ROPN1B: variants seen among roughly 807,000 people sequenced by gnomAD.
ROPN1B encodes the protein ropporin-1B.
In ROPN1B, 13 loss-of-function variants were observed where a neutral mutation model predicts 23.7. The observed-to-expected ratio is 0.55, with a 90% CI of 0.36 to 0.87. The LOEUF (loss-of-function observed/expected upper bound fraction) is 0.87, where lower values mean the gene tolerates loss of function less well. Among genes scored for constraint, ROPN1B ranks in the 40% least tolerant of loss-of-function variants. The pLI is 0.01. For synonymous variants in ROPN1B, 67 were observed against 100.4 expected (o/e 0.67, Z 1.99); for missense variants, 183 against 249.2 (o/e 0.73, Z 1.79).
At chr3:125,976,828 A>C in intron 4 of ROPN1B, 176 bp from the exon 5 acceptor site, 3 of 844,224 alleles carry the variant, frequency 3.6e-6, no homozygotes, top group Non-Finnish European at 6.2e-6. Flanking sequence ...CATGCTCTTC[A>C]CTAGGATTTG....
chr3:125,971,611 C>T (rs1178530995), intron 2 of ROPN1B, among the ~76,000 whole-genome samples: 2 of 152,150 alleles, frequency 1.3e-5, no homozygotes, highest in Non-Finnish European at 2.9e-5. Context: ...GTAAATTTTG[C>T]TACAATTCTT....
chr3:125,982,171 A>G (rs1326714096), intron 5 of ROPN1B, 99 bp from the exon 6 acceptor site: 4 of 995,416 alleles, frequency 4.0e-6, no homozygotes, highest in South Asian at 3.4e-5. Flanking sequence ...ACTTCATTTT[A>G]TAAGAGCAAT....
intron 5 of ROPN1B, among the ~76,000 whole-genome samples, chr3:125,980,520 T>A (rs1938576446): frequency 6.6e-6 from 1 of 152,188 alleles, no homozygotes; most frequent in Admixed American, 6.5e-5. Context: ...TGTGCCTACA[T>A]GTCTGGTGGC....
Position 125,983,332 on chromosome 3 carries a change from T to C in ROPN1B, c.*12T>C. On this transcript the variant is annotated 3_prime_UTR_variant, in exon 7 of 7. Transcript: ENST00000514116. The stretch of plus-strand genomic sequence containing the variant: ...TTTGGCTGGAGTAACAGCACAATTT[T>C]GGCAATTTTAAAGGAAGATACAGAG... 3 of 1,607,636 alleles carry C rather than the reference T, an allele frequency of 1.9e-6. No homozygotes were observed. Among genetic ancestry groups the C allele is most frequent in the South Asian group, 2.2e-5 (2 of 90,896 alleles).
At chr3:125,980,168 T>C (rs1559786464) in intron 5 of ROPN1B, among the ~76,000 whole-genome samples, 1 of 152,212 alleles carries the variant, frequency 6.6e-6, no homozygotes, top group African/African-American at 2.4e-5. Context: ...AGAATGAAGA[T>C]CTGTTTCCTT....
Position 125,983,403 on chromosome 3 carries a change from A to T in ROPN1B, c.*83A>T. 1.1e-6 allele frequency: 1 copy of T among 909,018 alleles called. No individual in the cohort carries two copies. Among genetic ancestry groups the T allele is most frequent in the Non-Finnish European group, 1.8e-6 (1 of 546,230 alleles). The allele number at this position is 909,018 out of a possible 1,614,324, so 56.3% of individuals were successfully genotyped here. A position where few individuals can be genotyped will look rare whatever the true frequency, so the allele number is the denominator to read the frequency against. On this transcript the variant is annotated 3_prime_UTR_variant, in exon 7 of 7. Coordinates refer to ENST00000514116, the MANE Select transcript of ROPN1B (RefSeq NM_001308313.2). ...TAAACCCATATACCACCTAAAATCA[A>T]TTTTCTTGTACAACTGGTACACACT...
rs759847011 is a variant in ROPN1B, at chr3:125,982,370, C to A, written c.497C>A (p.Thr166Lys). 14 of 1,613,238 alleles carry A rather than the reference C, an allele frequency of 8.7e-6. No individual in the cohort carries two copies. Among genetic ancestry groups the A allele is most frequent in the African/African-American group, 1.3e-5 (1 of 74,848 alleles). ...IPFSTFQFLY[T>K]YIAEVDGEIC... ...TTCAGCACCTTCCAGTTTCTCTACACGTATATTGCCGAAGTGGATGGGGAG... is the reference window on the plus strand; with the variant it reads ...TTCAGCACCTTCCAGTTTCTCTACAAGTATATTGCCGAAGTGGATGGGGAG... The change falls in exon 6 of 7, where the codon ACG becomes AAG. Residue 166 changes from threonine to lysine, a missense_variant. Physicochemically the swap from Thr to Lys is moderately conservative, Grantham distance 78. Around this residue, in one of 3 missense-constraint regions of ROPN1B, gnomAD observed 80 missense variants for 98.0 expected, o/e 0.82. Transcript: ENST00000514116.
chr3:125,971,895 C>A, intron 2 of ROPN1B, 148 bp from the exon 3 acceptor site: 1 of 604,118 alleles, frequency 1.7e-6, no homozygotes, highest in Non-Finnish European at 2.7e-6. Context: ...GCTTTCTAAC[C>A]TTGCCGTTGT....
At chr3:125,973,276 G>C in intron 3 of ROPN1B, 2 of 345,484 alleles carry the variant, frequency 5.8e-6, no homozygotes, top group South Asian at 4.4e-5. Flanking sequence ...TGGCACCTAA[G>C]AGGGGCCTTT....
intron 2 of ROPN1B, 103 bp from the exon 3 acceptor site, chr3:125,971,940 C>T: frequency 9.2e-7 from 1 of 1,090,602 alleles, no homozygotes; most frequent in Non-Finnish European, 1.3e-6. Context: ...GCGGAGTCCC[C>T]AAAATTGAGT....
chr3:125,978,613 A>G (rs779833846), intron 5 of ROPN1B, among the ~76,000 whole-genome samples: 4 of 152,172 alleles, frequency 2.6e-5, no homozygotes, highest in Non-Finnish European at 4.4e-5. Flanking sequence ...TCTGGTCTCC[A>G]TGGTAATGCC....
chr3:125,976,582 C>T (rs1483347343), intron 4 of ROPN1B, among the ~76,000 whole-genome samples: 5 of 152,144 alleles, frequency 3.3e-5, no homozygotes, highest in South Asian at 2.1e-4. Context: ...TCAGTGCAAT[C>T]GGGAAGAAAC....
At chr3:125,970,499 C>T (rs1226990982) in intron 1 of ROPN1B, among the ~76,000 whole-genome samples, 1 of 152,092 alleles carries the variant, frequency 6.6e-6, no homozygotes, top group Non-Finnish European at 1.5e-5. Context: ...TATTTTAAGA[C>T]CTACATTCTT....
At chr3:125,971,529 G>A (rs940738947) in intron 2 of ROPN1B, among the ~76,000 whole-genome samples, 4 of 152,070 alleles carry the variant, frequency 2.6e-5, no homozygotes, top group Non-Finnish European at 5.9e-5. Flanking sequence ...AAACAGAGAC[G>A]CTCATCAAAT....
intron 6 of ROPN1B, 142 bp downstream of exon 6, chr3:125,982,587 G>A: frequency 1.5e-6 from 1 of 689,218 alleles, no homozygotes; most frequent in Non-Finnish European, 2.3e-6. Flanking sequence ...AAGAAAAGGA[G>A]AAAGGGAAGG....
chr3:125,979,916 C>T (rs1235467987), intron 5 of ROPN1B, among the ~76,000 whole-genome samples: 1 of 152,242 alleles, frequency 6.6e-6, no homozygotes, highest in Non-Finnish European at 1.5e-5. Context: ...ACCTGTATTC[C>T]TCCCCCCTTC....
At position 125,975,530 on chromosome 3, in the gene ROPN1B, G is replaced by T. The variant is rs1464447532; in HGVS notation, c.117-33G>T. 3 of 1,580,218 alleles carry T rather than the reference G, an allele frequency of 1.9e-6. No homozygotes were observed. In the East Asian group the frequency reaches 6.7e-5, roughly 35 times the overall value. ...ACAGCCAGAGGCCACTGGTGTATAG[G>T]ATCCTCCTACTCTCTGACTTTTTTT... On this transcript the variant is annotated intron_variant, in intron 3 of 6. Transcript: ENST00000514116.
chr3:125,974,785 G>A (rs1938344601), intron 3 of ROPN1B, among the ~76,000 whole-genome samples: 2 of 152,198 alleles, frequency 1.3e-5, no homozygotes, highest in African/African-American at 4.8e-5. Context: ...GGAAGATGGA[G>A]AAACAGTTTT....
Position 125,982,411 on chromosome 3 carries a change from G to A in ROPN1B, c.538G>A (p.Val180Ile), listed in dbSNP as rs1262662922. The A allele has an allele frequency of 3.1e-6, 5 of 1,608,480 alleles. No homozygotes were observed. The highest frequency in any genetic ancestry group is 3.4e-6 in the Non-Finnish European group (4 of 1,178,756). The change falls in exon 6 of 7, where the codon GTC (valine) becomes ATC (isoleucine). Residue 180 changes from valine (V) to isoleucine (I), a missense_variant. By Grantham distance (29) the Val-to-Ile change is conservative. This residue lies in a region of ROPN1B where 80 missense variants were observed against 98.0 expected (regional missense o/e 0.82). Coordinates refer to ENST00000514116, the MANE Select transcript of ROPN1B (RefSeq NM_001308313.2). ...EVDGEICASH[V>I]SRMLNYIEQE... ...GGATGGGGAGATCTGTGCATCACAT[G>A]TCAGCAGGATGCTAAACTACATTGA...
Sources: gnomAD v4.1 joint callset for allele counts (sites outside exome capture counted in the v4.1 genomes callset) on GRCh38, gnomAD v4.1.1 for gene constraint, gnomAD v4.1.1 regional missense constraint, MANE v1.5 for transcripts, NCBI Gene and HGNC (gene_info 2026-07-23, HGNC 2026-07-21) for gene names.